Variants in ZNF473 observed in about 807,000 individuals in gnomAD.
The protein encoded by ZNF473 is zinc finger protein 473, also known as zinc finger protein 100 homolog.
In ZNF473, 4 loss-of-function variants were observed where a neutral mutation model predicts 11.1. The observed-to-expected ratio is 0.36, with a 90% CI of 0.18 to 0.82. ZNF473 has a LOEUF of 0.82. Among genes scored for constraint, ZNF473 ranks in the 40% least tolerant of loss-of-function variants. The pLI is 0.49. For synonymous variants in ZNF473, 404 were observed against 390.4 expected (o/e 1.03, Z -0.41); for missense variants, 854 against 1,084.0 (o/e 0.79, Z 2.98).
chr19:50,047,138 TTC>T lies in ZNF473; in HGVS notation c.*84_*85del, dbSNP rs1600765469. The T allele has an allele frequency of 4.1e-6, 5 of 1,231,044 alleles. No individual in the cohort carries two copies. The highest frequency in any genetic ancestry group is 5.6e-6 in the Non-Finnish European group (5 of 891,204). The allele number at this position is 1,231,044 out of a possible 1,614,324, so 76.3% of individuals were successfully genotyped here. ...AGTTGGAAACTATCCCATTGCAAGT[TTC>T]TCTCCAAATAAATGCATCTAAAGAT... On this transcript the variant is annotated 3_prime_UTR_variant, in exon 5 of 5. Coordinates refer to ENST00000270617, the MANE Select transcript of ZNF473 (RefSeq NM_015428.4).
rs372730767 is a variant in ZNF473, at chr19:50,045,347, A to T, written c.904A>T (p.Ser302Cys). The T allele has an allele frequency of 1.2e-6, 2 of 1,614,082 alleles. No individual in the cohort carries two copies. Among genetic ancestry groups the T allele is most frequent in the Admixed American group, 3.3e-5 (2 of 60,006 alleles). ...CKSQDSDHPP[S>C]HDTQPGEHQK... ...GAGTCAAGATAGTGACCACCCACCC[A>T]GTCATGACACACAGCCTGGTGAGCA... is the stretch of plus-strand genomic sequence containing the variant. The change falls in exon 5 of 5, where the codon AGT becomes TGT. Residue 302 changes from serine (S) to cysteine (C), a missense_variant. Coordinates refer to ENST00000270617, the MANE Select transcript of ZNF473 (RefSeq NM_015428.4).
At chr19:50,033,769 A>G (rs904373193) in intron 2 of ZNF473, among the ~76,000 whole-genome samples, 4 of 152,076 alleles carry the variant, frequency 2.6e-5, no homozygotes, top group African/African-American at 4.8e-5. Context: ...GGCTGCCTAT[A>G]TTCATTGGCT....
chr19:50,040,863 C>T (rs971292173), intron 3 of ZNF473, among the ~76,000 whole-genome samples: 11 of 152,222 alleles, frequency 7.2e-5, no homozygotes, highest in African/African-American at 1.9e-4. Context: ...AGAAGCATCT[C>T]GTGGGAGGTC....
chr19:50,028,428 A>T (rs886964817), intron 1 of ZNF473, among the ~76,000 whole-genome samples: 1 of 151,148 alleles, frequency 6.6e-6, no homozygotes, highest in African/African-American at 2.4e-5. Flanking sequence ...TGATCCTCCT[A>T]CCTCAGCCTC....
intron 1 of ZNF473, among the ~76,000 whole-genome samples, chr19:50,028,089 G>C (rs1460122665): frequency 6.6e-6 from 1 of 152,052 alleles, no homozygotes; most frequent in Admixed American, 6.5e-5. Context: ...ACGAGGTCAG[G>C]AGATCGAGAC....
chr19:50,045,303 C>T lies in ZNF473; in HGVS notation c.860C>T (p.Thr287Ile), dbSNP rs907804262. Reference protein sequence around the residue: ...STYLWHQKTHTGEKPCKSQDS... With the variant: ...STYLWHQKTHIGEKPCKSQDS... ...TACCTGTGGCATCAGAAAACTCACA[C>T]TGGAGAAAAACCATGTAAGAGTCAA... The change falls in exon 5 of 5, where the codon ACT (threonine) becomes ATT (isoleucine). Residue 287 changes from threonine (T) to isoleucine (I), a missense_variant. Physicochemically the swap from Thr to Ile is moderately conservative, Grantham distance 89 (BLOSUM62 -1). Around this residue, in one of 2 missense-constraint regions of ZNF473, gnomAD observed 668 missense variants for 790.2 expected, o/e 0.85. Transcript: ENST00000270617. 1.2e-6 allele frequency: 2 copies of T among 1,614,206 alleles called. No homozygotes were observed. The highest frequency in any genetic ancestry group is 1.7e-5 in the Admixed American group (1 of 60,028).
chr19:50,048,691 T>A lies in ZNF473; in HGVS notation c.*1632T>A, dbSNP rs1201514597. ...GGTGTGGGGGCAGTCTGTAAATCAGTCACCTGTGTTGCTGCAGGCCAAGGT... is the reference window on the plus strand; with the variant it reads ...GGTGTGGGGGCAGTCTGTAAATCAGACACCTGTGTTGCTGCAGGCCAAGGT... On this transcript the variant is annotated 3_prime_UTR_variant, in exon 5 of 5. Transcript: ENST00000270617. The A allele has an allele frequency of 6.6e-6, 1 of 152,266 alleles. No individual in the cohort carries two copies. The highest frequency in any genetic ancestry group is 1.5e-5 in the Non-Finnish European group (1 of 68,078). The allele number at this position is 152,266 out of a possible 1,614,324, so 9.4% of individuals were successfully genotyped here.
At chr19:50,035,586 T>G (rs897252923) in intron 2 of ZNF473, among the ~76,000 whole-genome samples, 33 of 152,126 alleles carry the variant, frequency 2.2e-4, no homozygotes, top group Non-Finnish European at 4.3e-4. Flanking sequence ...GGCTGCCCCC[T>G]TTTTTCCTGT....
chr19:50,042,750 C>G (rs1027001191), intron 4 of ZNF473: 1 of 152,200 alleles, frequency 6.6e-6, no homozygotes, highest in Non-Finnish European at 1.5e-5. Flanking sequence ...GCTGATTCAC[C>G]CTGTATTCCC....
At chr19:50,029,255 G>C (rs1444371637) in intron 1 of ZNF473, among the ~76,000 whole-genome samples, 1 of 152,142 alleles carries the variant, frequency 6.6e-6, no homozygotes, top group Non-Finnish European at 1.5e-5. Flanking sequence ...CCATTCTCTC[G>C]CCTCAGCCTC....
chr19:50,045,453 G>A lies in ZNF473; in HGVS notation c.1010G>A (p.Arg337Gln), dbSNP rs933192587. The A allele has an allele frequency of 6.2e-6, 10 of 1,613,562 alleles. No individual in the cohort carries two copies. The highest frequency in any genetic ancestry group is 8.5e-6 in the Non-Finnish European group (10 of 1,179,832). Residue 337 changes from arginine to glutamine, a missense_variant, in exon 5 of 5, where the codon CGG becomes CAG. Arg to Gln is a conservative substitution (Grantham distance 43). Coordinates refer to ENST00000270617, the MANE Select transcript of ZNF473 (RefSeq NM_015428.4). Reference protein sequence around the residue: ...KAFTRIFHLTRHQKIHTRKRY... With the variant: ...KAFTRIFHLTQHQKIHTRKRY... ...TTTACCCGGATCTTCCACCTTACTC[G>A]GCACCAGAAGATCCACACTCGGAAA...
chr19:50,032,037 A>G (rs1173802440), intron 2 of ZNF473, among the ~76,000 whole-genome samples: 1 of 151,648 alleles, frequency 6.6e-6, no homozygotes, highest in Admixed American at 6.6e-5. Flanking sequence ...CAGGTCTGAC[A>G]CACGTCCATG....
intron 2 of ZNF473, among the ~76,000 whole-genome samples, chr19:50,035,641 G>A (rs1978386680): frequency 6.6e-6 from 1 of 152,088 alleles, no homozygotes; most frequent in African/African-American, 2.4e-5. Flanking sequence ...GGTCATCATT[G>A]GACAGATAAG....
At position 50,039,422 on chromosome 19, in the gene ZNF473, C is replaced by A; in HGVS notation, c.136+135C>A. ...CATGACCTAGCCCAGCAGTTCTCAGCTGGCCGAGGAGACATTGGCAATGTG... is the reference window on the plus strand; with the variant it reads ...CATGACCTAGCCCAGCAGTTCTCAGATGGCCGAGGAGACATTGGCAATGTG... On this transcript the variant is annotated intron_variant, in intron 3 of 4. Coordinates refer to ENST00000270617, the MANE Select transcript of ZNF473 (RefSeq NM_015428.4). The surrounding 1 kb of genome is among the most constrained non-coding windows in gnomAD (Gnocchi z 4.8). 2 of 1,219,336 alleles carry A rather than the reference C, an allele frequency of 1.6e-6. No individual in the cohort carries two copies. The highest frequency in any genetic ancestry group is 2.3e-6 in the Non-Finnish European group (2 of 880,310). 75.5% of individuals were successfully genotyped at this position (1,219,336 alleles called of 1,614,324 possible). A position where few individuals can be genotyped will look rare whatever the true frequency, so the allele number is the denominator to read the frequency against.
chr19:50,028,742 A>G (rs763029051), intron 1 of ZNF473, among the ~76,000 whole-genome samples: 4 of 152,084 alleles, frequency 2.6e-5, no homozygotes, highest in Non-Finnish European at 4.4e-5. Flanking sequence ...AAATTTCCCA[A>G]TTTTCAAGTT....
chr19:50,039,411 G>A lies in ZNF473; in HGVS notation c.136+124G>A. 7.7e-7 allele frequency: 1 copy of A among 1,291,078 alleles called. No individual in the cohort carries two copies. Among genetic ancestry groups the A allele is most frequent in the Non-Finnish European group, 1.1e-6 (1 of 939,646 alleles). 80.0% of individuals were successfully genotyped at this position (1,291,078 alleles called of 1,614,324 possible). A position where few individuals can be genotyped will look rare whatever the true frequency, so the allele number is the denominator to read the frequency against. ...CTCAGAATCAGCATGACCTAGCCCA[G>A]CAGTTCTCAGCTGGCCGAGGAGACA... On this transcript the variant is annotated intron_variant, in intron 3 of 4. Coordinates refer to ENST00000270617, the MANE Select transcript of ZNF473 (RefSeq NM_015428.4). The surrounding 1 kb of genome is among the most constrained non-coding windows in gnomAD (Gnocchi z 4.8).
At position 50,045,670 on chromosome 19, in the gene ZNF473, G is replaced by A. The variant is rs1434892052; in HGVS notation, c.1227G>A (p.Gly409=). The A allele has an allele frequency of 1.2e-6, 2 of 1,613,946 alleles. No homozygotes were observed. The highest frequency in any genetic ancestry group is 1.7e-6 in the Non-Finnish European group (2 of 1,179,998). The change falls in exon 5 of 5, where the codon GGG becomes GGA. Residue 409 remains glycine (G), a synonymous_variant. Coordinates refer to ENST00000270617, the MANE Select transcript of ZNF473 (RefSeq NM_015428.4). ...AGCCTTATAAGTGTAACGAACGTGGGAAATCCTTCAGGCATAACTCTACCC... is the reference window on the plus strand; with the variant it reads ...AGCCTTATAAGTGTAACGAACGTGGAAAATCCTTCAGGCATAACTCTACCC... ...GEEPYKCNER[G]KSFRHNSTLK...
chr19:50,031,820 C>T (rs1175618864), intron 2 of ZNF473, among the ~76,000 whole-genome samples: 1 of 152,146 alleles, frequency 6.6e-6, no homozygotes, highest in Non-Finnish European at 1.5e-5. Flanking sequence ...ATGAATGATG[C>T]ATGAAACCAT....
intron 2 of ZNF473, among the ~76,000 whole-genome samples, chr19:50,034,884 CCT>C (rs2077336943): frequency 6.6e-6 from 1 of 152,098 alleles, no homozygotes; most frequent in African/African-American, 2.4e-5. Flanking sequence ...TCTTGTGCCC[CCT>C]GTTTGTGGTC....
Sources: allele counts gnomAD v4.1 joint callset (sites outside exome capture counted in the v4.1 genomes callset), GRCh38; gene constraint gnomAD v4.1.1; regional missense constraint gnomAD v4.1.1; non-coding constraint Gnocchi (gnomAD v3.1); transcripts MANE v1.5; gene names NCBI Gene and HGNC (gene_info 2026-07-23, HGNC 2026-07-21).